The following NCAM2 variants were observed in gnomAD, a reference collection of about 807,000 sequenced individuals.
NCAM2 encodes N-CAM-2.
A neutral mutation model predicts 98.1 loss-of-function variants in NCAM2; 30 were observed. The observed-to-expected ratio is 0.31, with a 90% confidence interval of 0.23 to 0.41. NCAM2 has a LOEUF of 0.41. Ranked by LOEUF, NCAM2 falls within the 10% of genes least tolerant of loss-of-function variation. The pLI, the probability that NCAM2 is intolerant of heterozygous loss-of-function variation, is 1.00. For synonymous variants in NCAM2, 368 were observed against 342.4 expected (o/e 1.07, Z -0.83); for missense variants, 867 against 1,005.8 (o/e 0.86, Z 1.87).
intron 1 of NCAM2, among the ~76,000 whole-genome samples, chr21:21,056,503 T>TGTGC (rs1375231952): frequency 6.7e-5 from 10 of 148,502 alleles, no homozygotes; most frequent in Non-Finnish European, 1.0e-4. Context: ...TGTGTGTGTG[T>TGTGC]GTGTGTGTGT....
At chr21:21,473,299 T>C (rs926013976) in intron 14 of NCAM2, among the ~76,000 whole-genome samples, 1 of 110,786 alleles carries the variant, frequency 9.0e-6, no homozygotes, top group Non-Finnish European at 2.2e-5. Context: ...ATGGTCTATC[T>C]GTATATATAT....
chr21:21,428,958 G>A (rs2077271486), intron 11 of NCAM2, among the ~76,000 whole-genome samples: 1 of 152,148 alleles, frequency 6.6e-6, no homozygotes, highest in South Asian at 2.1e-4. Context: ...ATACATGTGT[G>A]CGAATGTGTG....
chr21:21,515,866 T>C (rs1444360199), intron 16 of NCAM2, among the ~76,000 whole-genome samples: 1 of 152,152 alleles, frequency 6.6e-6, no homozygotes, highest in Non-Finnish European at 1.5e-5. Flanking sequence ...CATTTATAAC[T>C]GAAGAAGACG....
intron 12 of NCAM2, among the ~76,000 whole-genome samples, chr21:21,464,285 C>G (rs943762332): frequency 6.6e-6 from 1 of 152,016 alleles, no homozygotes; most frequent in African/African-American, 2.4e-5. Context: ...AAGTCTTATT[C>G]CAAAACATGT....
intron 1 of NCAM2, among the ~76,000 whole-genome samples, chr21:20,999,637 G>T (rs2063983409): frequency 6.6e-6 from 1 of 152,216 alleles, no homozygotes. Flanking sequence ...AGAATGTTAT[G>T]TTGTTAGTGT....
At chr21:21,530,694 T>C (rs1326720029) in intron 16 of NCAM2, among the ~76,000 whole-genome samples, 1 of 151,894 alleles carries the variant, frequency 6.6e-6, no homozygotes. Context: ...TTTTCATAAA[T>C]GAGTAGTATT....
intron 16 of NCAM2, among the ~76,000 whole-genome samples, chr21:21,512,189 T>G (rs1476343456): frequency 1.3e-5 from 2 of 152,002 alleles, no homozygotes; most frequent in Non-Finnish European, 2.9e-5. Flanking sequence ...ATCTGAGGTG[T>G]TTCCCCCATG....
chr21:21,425,037 C>A (rs2077184180), intron 11 of NCAM2, among the ~76,000 whole-genome samples: 1 of 75,472 alleles, frequency 1.3e-5, no homozygotes, highest in Non-Finnish European at 2.8e-5. Flanking sequence ...ACTCTTCCTC[C>A]TCCAAAAAAA....
At chr21:21,375,797 G>T (rs983932340) in intron 9 of NCAM2, among the ~76,000 whole-genome samples, 2 of 150,242 alleles carry the variant, frequency 1.3e-5, no homozygotes, top group African/African-American at 2.4e-5. Context: ...AGACCTCCTG[G>T]CCTCTTCCAC....
intron 12 of NCAM2, among the ~76,000 whole-genome samples, chr21:21,437,690 G>GA (rs1217574260): frequency 1.3e-5 from 2 of 152,028 alleles, no homozygotes; most frequent in Non-Finnish European, 1.5e-5. Flanking sequence ...ACAATTTATA[G>GA]AAAAAACAAT....
At chr21:21,065,209 A>C (rs78932831) in intron 1 of NCAM2, among the ~76,000 whole-genome samples, 26,896 of 152,018 alleles carry the variant, frequency 0.18, 2,594 homozygotes, top group Non-Finnish European at 0.19. Context: ...AAACAAAAAA[A>C]CAAAACAAAA....
intron 15 of NCAM2, among the ~76,000 whole-genome samples, chr21:21,496,753 A>G (rs932909642): frequency 2.6e-5 from 4 of 152,120 alleles, no homozygotes; most frequent in Non-Finnish European, 5.9e-5. Context: ...GAGGCCTTAT[A>G]TTTAAGTTTT....
chr21:21,199,472 A>G (rs2069129252), intron 1 of NCAM2, among the ~76,000 whole-genome samples: 1 of 152,194 alleles, frequency 6.6e-6, no homozygotes, highest in African/African-American at 2.4e-5. Context: ...GAAGCTTAGC[A>G]TCCAGGCCCA....
intron 2 of NCAM2, among the ~76,000 whole-genome samples, chr21:21,283,637 C>T (rs2073001520): frequency 6.6e-6 from 1 of 151,804 alleles, no homozygotes. Context: ...GGTCGTTGGC[C>T]TTATCTATTC....
At chr21:21,142,620 C>T (rs1181304610) in intron 1 of NCAM2, among the ~76,000 whole-genome samples, 1 of 152,024 alleles carries the variant, frequency 6.6e-6, no homozygotes, top group African/African-American at 2.4e-5. Flanking sequence ...ACCTCGTGAT[C>T]CGCCCGCCTA....
At chr21:21,518,572 A>T (rs117430727) in intron 16 of NCAM2, among the ~76,000 whole-genome samples, 1 of 151,888 alleles carries the variant, frequency 6.6e-6, no homozygotes, top group East Asian at 1.9e-4. Flanking sequence ...TAGTTGTTTT[A>T]TTTAAATAGA....
intron 1 of NCAM2, among the ~76,000 whole-genome samples, chr21:21,055,645 A>G (rs544221961): frequency 2.6e-5 from 4 of 152,164 alleles, no homozygotes; most frequent in South Asian, 4.2e-4. Flanking sequence ...CTCAACACAA[A>G]ATGGAGATCA....
rs373865162 is a variant in NCAM2 at position 21,338,461 on chromosome 21, C to T, written c.971C>T (p.Ala324Val). Residue 324 changes from alanine (A) to valine (V), a missense_variant, in exon 8 of 18, where the codon GCG becomes GTG. Ala to Val is a moderately conservative substitution (Grantham distance 64, BLOSUM62 0). Around this residue, in one of 5 missense-constraint regions of NCAM2, gnomAD observed 447 missense variants for 495.7 expected, o/e 0.90. Coordinates refer to ENST00000400546, the MANE Select transcript of NCAM2 (RefSeq NM_004540.5). Reference sequence around the variant, plus strand: ...GGTCAAGTCACACTCGTATGTGATGCGGAAGGGGAGCCTATTCCAGAAATC... The same window carrying T: ...GGTCAAGTCACACTCGTATGTGATGTGGAAGGGGAGCCTATTCCAGAAATC... The part of the protein sequence containing the change: ...ENGQVTLVCD[A>V]EGEPIPEITW... 1.1e-5 allele frequency: 17 copies of T among 1,612,364 alleles called. No individual in the cohort carries two copies. In the East Asian group the frequency reaches 1.3e-4, roughly 13 times the overall value.
chr21:21,279,762 G>T (rs1210889989), intron 1 of NCAM2, among the ~76,000 whole-genome samples: 1 of 152,150 alleles, frequency 6.6e-6, no homozygotes, highest in Non-Finnish European at 1.5e-5. Context: ...CCCAGTGCAG[G>T]TTCGTACTCT....
Sources: gnomAD v4.1 joint callset for allele counts (sites outside exome capture counted in the v4.1 genomes callset) on GRCh38, gnomAD v4.1.1 for gene constraint, gnomAD v4.1.1 regional missense constraint, MANE v1.5 for transcripts, NCBI Gene and HGNC (gene_info 2026-07-23, HGNC 2026-07-21) for gene names.